EXT2: variants seen among roughly 807,000 people sequenced by gnomAD.
EXT2 encodes the protein exostosin glycosyltransferase 2.
EXT2 carries 53 observed loss-of-function variants against 81.6 expected under a neutral mutation model. The ratio of observed to expected loss-of-function variants is 0.65; its 90% confidence interval spans 0.52 to 0.82. The LOEUF is 0.82. EXT2 is among the 40% of genes least tolerant of loss of function. The pLI, the probability that EXT2 is intolerant of heterozygous loss-of-function variation, is 0.00. For synonymous variants in EXT2, 320 were observed against 340.0 expected (o/e 0.94, Z 0.65); for missense variants, 774 against 910.2 (o/e 0.85, Z 1.93).
At chr11:44,104,205 A>G (rs993433339) in intron 1 of EXT2, among the ~76,000 whole-genome samples, 1 of 152,134 alleles carries the variant, frequency 6.6e-6, no homozygotes, top group African/African-American at 2.4e-5. Context: ...CTAGTAGGTT[A>G]TGGCCAGAAT....
intron 4 of EXT2, among the ~76,000 whole-genome samples, chr11:44,123,113 T>C (rs1954342905): frequency 6.6e-6 from 1 of 152,234 alleles, no homozygotes; most frequent in Non-Finnish European, 1.5e-5. Context: ...TCTAGCTGGC[T>C]AGGCAGGTGT....
chr11:44,216,684 G>T (rs1365797130), intron 10 of EXT2, among the ~76,000 whole-genome samples: 1 of 151,982 alleles, frequency 6.6e-6, no homozygotes, highest in East Asian at 1.9e-4. Context: ...GATTTACAGA[G>T]ACCATTTTAA....
chr11:44,109,906 A>G (rs1415894529), intron 3 of EXT2, among the ~76,000 whole-genome samples: 1 of 152,042 alleles, frequency 6.6e-6, no homozygotes, highest in Non-Finnish European at 1.5e-5. Flanking sequence ...TTCATCACTG[A>G]CTGAAAGATT....
chr11:44,112,322 G>A (rs75071257), intron 3 of EXT2, among the ~76,000 whole-genome samples: 13,418 of 152,188 alleles, frequency 0.088, 699 homozygotes, highest in South Asian at 0.13. Context: ...GCTGGAGAGC[G>A]CCTCCAGTGA....
chr11:44,243,618 C>CTTTT (rs1215047805), intron 13 of EXT2, among the ~76,000 whole-genome samples: 22 of 72,902 alleles, frequency 3.0e-4, no homozygotes, highest in African/African-American at 9.5e-4. Context: ...GCCCTGTCAC[C>CTTTT]TTTTTTTTTT....
chr11:44,213,326 G>C (rs1325601436), intron 10 of EXT2, among the ~76,000 whole-genome samples: 1 of 152,146 alleles, frequency 6.6e-6, no homozygotes, highest in Non-Finnish European at 1.5e-5. Context: ...TACTCAGAAT[G>C]TTCCAAAATT....
chr11:44,166,977 G>A (rs1264975733), intron 7 of EXT2, among the ~76,000 whole-genome samples: 1 of 152,180 alleles, frequency 6.6e-6, no homozygotes, highest in Non-Finnish European at 1.5e-5. Context: ...ACTGCTTACA[G>A]GCATTGTAGA....
At chr11:44,145,125 C>T (rs531371022) in intron 7 of EXT2, among the ~76,000 whole-genome samples, 8 of 152,032 alleles carry the variant, frequency 5.3e-5, no homozygotes, top group Non-Finnish European at 1.0e-4. Flanking sequence ...CCCGCATCTG[C>T]TTGGGTTCTT....
At chr11:44,143,070 G>C (rs1244134241) in intron 7 of EXT2, among the ~76,000 whole-genome samples, 1 of 152,176 alleles carries the variant, frequency 6.6e-6, no homozygotes, top group Non-Finnish European at 1.5e-5. Context: ...TCCTGCCTCA[G>C]CCTTCCGAAT....
chr11:44,218,612 A>G (rs1955746287), intron 10 of EXT2, among the ~76,000 whole-genome samples: 1 of 152,108 alleles, frequency 6.6e-6, no homozygotes, highest in Non-Finnish European at 1.5e-5. Context: ...AGAACCAAGG[A>G]GAAGGAAAAG....
At chr11:44,124,689 A>G in intron 4 of EXT2, 100 bp from the exon 5 acceptor site, 1 of 917,892 alleles carries the variant, frequency 1.1e-6, no homozygotes, top group East Asian at 2.5e-5. Context: ...GAAGACTGGT[A>G]AGGAAACACT....
At chr11:44,200,837 T>C (rs1955513676) in intron 9 of EXT2, among the ~76,000 whole-genome samples, 1 of 152,202 alleles carries the variant, frequency 6.6e-6, no homozygotes, top group Non-Finnish European at 1.5e-5. Context: ...CCTGACCATT[T>C]TTGTAGTACC....
intron 12 of EXT2, 49 bp downstream of exon 12, chr11:44,234,292 AT>A: frequency 1.3e-6 from 2 of 1,563,628 alleles, no homozygotes; most frequent in African/African-American, 1.4e-5. Flanking sequence ...GCAAATATCT[AT>A]TATCTGAGCC....
At chr11:44,124,444 TACACACACACACACAC>T (rs57261356) in intron 4 of EXT2, among the ~76,000 whole-genome samples, 1 of 144,940 alleles carries the variant, frequency 6.9e-6, no homozygotes, top group African/African-American at 2.6e-5. Context: ...GTTTCTCTCC[TACACACACACACACAC>T]ACACACACAC....
intron 6 of EXT2, among the ~76,000 whole-genome samples, chr11:44,127,879 A>G (rs1954432248): frequency 6.6e-6 from 1 of 152,240 alleles, no homozygotes; most frequent in Non-Finnish European, 1.5e-5. Flanking sequence ...TTCCCAGTGT[A>G]CAGATGGACC....
At chr11:44,203,454 G>A (rs1033344569) in intron 9 of EXT2, among the ~76,000 whole-genome samples, 7 of 152,112 alleles carry the variant, frequency 4.6e-5, no homozygotes, top group East Asian at 3.9e-4. Context: ...TCATGCCCTC[G>A]TATACACACA....
At chr11:44,198,636 T>C (rs1320366725) in intron 9 of EXT2, among the ~76,000 whole-genome samples, 1 of 152,208 alleles carries the variant, frequency 6.6e-6, no homozygotes, top group Admixed American at 6.5e-5. Context: ...TGCATTTGGT[T>C]TCTCATTCAG....
chr11:44,181,483 C>G (rs1157131563), intron 8 of EXT2, among the ~76,000 whole-genome samples: 1 of 152,186 alleles, frequency 6.6e-6, no homozygotes, highest in East Asian at 1.9e-4. Flanking sequence ...CTTTATGGGA[C>G]GTCTGTTACA....
chr11:44,099,451 C>T (rs147394939), intron 1 of EXT2, among the ~76,000 whole-genome samples: 4,427 of 152,172 alleles, frequency 0.029, 286 homozygotes, highest in East Asian at 0.28. Context: ...TCCCAAAGTG[C>T]TGGGATTACA....
Sources: allele counts gnomAD v4.1 joint callset (sites outside exome capture counted in the v4.1 genomes callset), GRCh38; gene constraint gnomAD v4.1.1; transcripts MANE v1.5; gene names NCBI Gene and HGNC (gene_info 2026-07-23, HGNC 2026-07-21).